CCSER1: variants seen among roughly 807,000 people sequenced by gnomAD.
CCSER1 encodes coiled-coil serine rich protein 1.
A neutral mutation model predicts 82.0 loss-of-function variants in CCSER1; 41 were observed. The observed-to-expected ratio is 0.50, with a 90% CI of 0.39 to 0.65. The LOEUF is 0.65. Ranked by LOEUF, CCSER1 falls within the 30% of genes least tolerant of loss-of-function variation. The pLI, the probability that CCSER1 is intolerant of heterozygous loss-of-function variation, is 0.00. For missense variants in CCSER1, 1,119 were observed against 1,064.2 expected (o/e 1.05, Z -0.72); for synonymous variants, 414 against 383.9 (o/e 1.08, Z -0.92).
intron 9 of CCSER1, among the ~76,000 whole-genome samples, chr4:91,060,333 G>A (rs1743851205): frequency 6.6e-6 from 1 of 151,972 alleles, no homozygotes. Flanking sequence ...ATAAACAGAA[G>A]AATTGGCTAG....
chr4:90,950,708 T>C (rs1333888545), intron 9 of CCSER1, among the ~76,000 whole-genome samples: 1 of 152,126 alleles, frequency 6.6e-6, no homozygotes, highest in Non-Finnish European at 1.5e-5. Flanking sequence ...GGTTTCAGCC[T>C]GGTTATCTTG....
chr4:90,896,302 C>T (rs1723706106), intron 8 of CCSER1, among the ~76,000 whole-genome samples: 1 of 151,832 alleles, frequency 6.6e-6, no homozygotes. Context: ...GGCAAACTGA[C>T]ATATGGGATG....
chr4:91,204,876 G>T (rs1736216308), intron 10 of CCSER1, among the ~76,000 whole-genome samples: 1 of 151,400 alleles, frequency 6.6e-6, no homozygotes, highest in African/African-American at 2.4e-5. Flanking sequence ...ATTTTCTTTG[G>T]AAATAACTTG....
At chr4:91,429,903 ACTAT>A (rs1203564543) in intron 10 of CCSER1, among the ~76,000 whole-genome samples, 2 of 151,914 alleles carry the variant, frequency 1.3e-5, no homozygotes, top group Non-Finnish European at 2.9e-5. Context: ...TCATTATAAA[ACTAT>A]CTATATTAAA....
chr4:91,446,672 A>ATATATATATATAT (rs1553938715), intron 10 of CCSER1, among the ~76,000 whole-genome samples: 29 of 72,510 alleles, frequency 4.0e-4, no homozygotes, highest in Middle Eastern at 9.8e-3. Flanking sequence ...ATTTTAAATA[A>ATATATATATATAT]ATAAATATAT....
chr4:90,434,690 A>G (rs776835516), intron 4 of CCSER1, among the ~76,000 whole-genome samples: 1 of 152,100 alleles, frequency 6.6e-6, no homozygotes, highest in Non-Finnish European at 1.5e-5. Flanking sequence ...GGAAGATGGG[A>G]GATGAGCCTG....
intron 9 of CCSER1, among the ~76,000 whole-genome samples, chr4:91,071,448 T>C (rs1721424353): frequency 4.0e-5 from 6 of 151,814 alleles, no homozygotes; most frequent in Non-Finnish European, 8.8e-5. Context: ...GTGAAGAGAG[T>C]TCCAGGCAGG....
chr4:91,258,451 T>C (rs1330676633), intron 10 of CCSER1, among the ~76,000 whole-genome samples: 1 of 152,090 alleles, frequency 6.6e-6, no homozygotes, highest in African/African-American at 2.4e-5. Flanking sequence ...AACTCTTTTC[T>C]GCTTGACACA....
intron 5 of CCSER1, among the ~76,000 whole-genome samples, chr4:90,529,293 C>A (rs1218418504): frequency 6.6e-6 from 1 of 152,084 alleles, no homozygotes; most frequent in Non-Finnish European, 1.5e-5. Flanking sequence ...TGGCTCACTG[C>A]AAACTCCGAC....
At chr4:91,149,503 C>T (rs1225475951) in intron 10 of CCSER1, among the ~76,000 whole-genome samples, 4 of 152,066 alleles carry the variant, frequency 2.6e-5, no homozygotes, top group Admixed American at 6.6e-5. Flanking sequence ...TTTGTCAATT[C>T]TGGCTTTTGT....
chr4:91,573,754 G>A (rs1234627190), intron 10 of CCSER1, among the ~76,000 whole-genome samples: 1 of 152,080 alleles, frequency 6.6e-6, no homozygotes, highest in Non-Finnish European at 1.5e-5. Context: ...TCAGTTGAAG[G>A]TGTTGTATTT....
intron 4 of CCSER1, among the ~76,000 whole-genome samples, chr4:90,427,508 A>G (rs1757688348): frequency 6.6e-6 from 1 of 151,456 alleles, no homozygotes; most frequent in South Asian, 2.1e-4. Context: ...ACTAAAAGTA[A>G]TATACTACAA....
intron 1 of CCSER1, among the ~76,000 whole-genome samples, chr4:90,223,570 G>A (rs1292595221): frequency 6.6e-6 from 1 of 152,116 alleles, no homozygotes; most frequent in African/African-American, 2.4e-5. Context: ...TTATCTCAAG[G>A]GTGTCCCAAG....
chr4:91,354,760 G>A (rs1671778582), intron 10 of CCSER1, among the ~76,000 whole-genome samples: 1 of 152,174 alleles, frequency 6.6e-6, no homozygotes, highest in Admixed American at 6.5e-5. Flanking sequence ...CATGGCCATT[G>A]ATCTTCTATT....
chr4:90,798,263 T>G lies in CCSER1; in HGVS notation c.2011-17499T>G, dbSNP rs150571905. Among the ~76,000 whole-genome samples the G allele has an allele frequency of 4.6e-4, 70 of 152,206 alleles. 1 individual carries two copies. The East Asian group carries it at 0.011, about 25-fold the overall frequency. ...GAGATTCTTTCCTTTTCTTGGTATATTCTGCTGTTGATACTTGTGATTGCA... is the reference window on the plus strand; with the variant it reads ...GAGATTCTTTCCTTTTCTTGGTATAGTCTGCTGTTGATACTTGTGATTGCA... On this transcript the variant is annotated intron_variant, in intron 7 of 10. Coordinates refer to ENST00000509176, the MANE Select transcript of CCSER1 (RefSeq NM_001145065.2).
At chr4:90,435,187 TGAA>T in intron 4 of CCSER1, among the ~76,000 whole-genome samples, 1 of 152,270 alleles carries the variant, frequency 6.6e-6, no homozygotes, top group South Asian at 2.1e-4. Flanking sequence ...TATATATGCG[TGAA>T]GAATAGGAAG....
At chr4:91,574,746 A>T (rs950920691) in intron 10 of CCSER1, among the ~76,000 whole-genome samples, 1 of 152,032 alleles carries the variant, frequency 6.6e-6, no homozygotes, top group African/African-American at 2.4e-5. Context: ...GACATTAGGG[A>T]GGGAGGAGGG....
At chr4:91,523,665 G>A (rs919911369) in intron 10 of CCSER1, among the ~76,000 whole-genome samples, 3 of 152,154 alleles carry the variant, frequency 2.0e-5, no homozygotes, top group East Asian at 3.8e-4. Context: ...TTTGCGTAGA[G>A]GTGTTTCTGG....
intron 10 of CCSER1, among the ~76,000 whole-genome samples, chr4:91,406,363 T>C (rs576010904): frequency 6.6e-6 from 1 of 152,360 alleles, no homozygotes; most frequent in South Asian, 2.1e-4. Context: ...GTTTCCAGTA[T>C]ACTATATTGT....
Sources: allele counts gnomAD v4.1 joint callset (sites outside exome capture counted in the v4.1 genomes callset), GRCh38; gene constraint gnomAD v4.1.1; transcripts MANE v1.5; gene names NCBI Gene and HGNC (gene_info 2026-07-23, HGNC 2026-07-21).